Variants in TRIP11 observed in about 807,000 individuals in gnomAD.
The protein encoded by TRIP11 is thyroid receptor-interacting protein 11.
TRIP11 carries 148 observed loss-of-function variants against 223.1 expected under a neutral mutation model. The ratio of observed to expected loss-of-function variants is 0.66; its 90% CI spans 0.58 to 0.76. The LOEUF is 0.76. Among genes scored for constraint, TRIP11 ranks in the 30% least tolerant of loss-of-function variants. The probability of loss-of-function intolerance (pLI) is 0.00; values close to 1 mark genes in which losing one functional copy is unlikely to be tolerated. For missense variants in TRIP11, 2,043 were observed against 2,222.0 expected, an observed-to-expected ratio of 0.92 and a Z score of 1.62; for synonymous variants, 762 against 772.6, an observed-to-expected ratio of 0.99 and a Z score of 0.23.
chr14:91,969,961 T>TGTAA lies in TRIP11; in HGVS notation c.5720-72_5720-69dup, dbSNP rs141458799. The TGTAA allele has an allele frequency of 2.8e-3, 3,959 of 1,402,868 alleles. 72 individuals carry two copies. The African/African-American group carries it at 0.049, about 17-fold the overall frequency. 86.9% of individuals were successfully genotyped at this position (1,402,868 alleles called of 1,614,324 possible). A position where few individuals can be genotyped will look rare whatever the true frequency, so the allele number is the denominator to read the frequency against. On this transcript the variant is annotated intron_variant, in intron 20 of 20. Transcript: ENST00000267622. ...GAAGTCAAAATGAAATAACTCTGAA[T>TGTAA]GTAATAGCATAAAGTTATCTGTGTA...
chr14:91,998,771 G>C (rs534854558), intron 13 of TRIP11, among the ~76,000 whole-genome samples: 1 of 151,784 alleles, frequency 6.6e-6, no homozygotes, highest in African/African-American at 2.4e-5. Context: ...GGTCACTCAA[G>C]AGTGCTAATA....
intron 13 of TRIP11, among the ~76,000 whole-genome samples, chr14:91,997,918 A>G (rs550342651): frequency 2.0e-5 from 3 of 152,342 alleles, no homozygotes; most frequent in South Asian, 4.1e-4. Flanking sequence ...GGGCTTGAAA[A>G]GTGCAAAAAA....
chr14:92,000,859 T>C (rs1428559286), intron 11 of TRIP11, among the ~76,000 whole-genome samples: 1 of 149,172 alleles, frequency 6.7e-6, no homozygotes, highest in Non-Finnish European at 1.5e-5. Context: ...ACTTTCTTTT[T>C]TTTTCTTTTT....
At chr14:91,988,810 G>A (rs1169750037) in intron 15 of TRIP11, among the ~76,000 whole-genome samples, 1 of 152,078 alleles carries the variant, frequency 6.6e-6, no homozygotes, top group Non-Finnish European at 1.5e-5. Context: ...GTGAATTTGA[G>A]CATTACTTTT....
chr14:92,013,257 A>G (rs1399840736), intron 7 of TRIP11, among the ~76,000 whole-genome samples: 3 of 152,018 alleles, frequency 2.0e-5, no homozygotes, highest in African/African-American at 7.3e-5. Context: ...ACAGAGCGAG[A>G]CTCTGTCTCA....
chr14:92,031,935 T>G (rs911619068), intron 2 of TRIP11, among the ~76,000 whole-genome samples: 3 of 152,104 alleles, frequency 2.0e-5, no homozygotes, highest in African/African-American at 7.2e-5. Flanking sequence ...TCCTCCCACC[T>G]CAGCCTCACA....
At chr14:92,013,698 A>C (rs1332552755) in intron 7 of TRIP11, among the ~76,000 whole-genome samples, 2 of 151,898 alleles carry the variant, frequency 1.3e-5, no homozygotes, top group African/African-American at 2.4e-5. Flanking sequence ...TATGTAAGTA[A>C]ATTTATTTTT....
chr14:92,033,378 G>A, intron 1 of TRIP11, 125 bp from the exon 2 acceptor site: 1 of 737,396 alleles, frequency 1.4e-6, no homozygotes, highest in Non-Finnish European at 2.3e-6. Context: ...AAAGCATTCA[G>A]AAGAAACAAA....
At chr14:92,029,280 A>ATTATTT (rs2057230210) in intron 2 of TRIP11, among the ~76,000 whole-genome samples, 4 of 76,798 alleles carry the variant, frequency 5.2e-5, no homozygotes, top group African/African-American at 2.3e-4. Flanking sequence ...CCAAAGTATT[A>ATTATTT]TTTTTTTTTT....
intron 16 of TRIP11, among the ~76,000 whole-genome samples, chr14:91,979,884 T>C (rs531508167): frequency 5.9e-4 from 89 of 152,064 alleles, no homozygotes; most frequent in African/African-American, 2.1e-3. Context: ...TGTATTTATA[T>C]GGGCAGGGAA....
intron 4 of TRIP11, among the ~76,000 whole-genome samples, chr14:92,018,066 A>C (rs2057058447): frequency 6.6e-6 from 1 of 151,790 alleles, no homozygotes; most frequent in East Asian, 1.9e-4. Flanking sequence ...ATAATTGAGC[A>C]GCTTTCTAAA....
chr14:92,025,273 A>C lies in TRIP11; in HGVS notation c.312+37T>G, dbSNP rs2057166955. ...CTAAAAACATACCTAAATACATTAC[A>C]GTGAAGTACATATGAAGTAACTGTG... On this transcript the variant is annotated intron_variant, in intron 3 of 20. Coordinates refer to ENST00000267622, the MANE Select transcript of TRIP11 (RefSeq NM_004239.4). The C allele has an allele frequency of 4.9e-6, 7 of 1,423,402 alleles. 1 individual carries two copies. The East Asian group carries it at 1.6e-4, about 32-fold the overall frequency. The allele number at this position is 1,423,402 out of a possible 1,614,324, so 88.2% of individuals were successfully genotyped here.
intron 14 of TRIP11, among the ~76,000 whole-genome samples, chr14:91,994,615 T>C (rs1408644603): frequency 6.6e-6 from 1 of 152,236 alleles, no homozygotes; most frequent in South Asian, 2.1e-4. Flanking sequence ...AAGTTTTGCT[T>C]AGGCATAAAA....
chr14:92,026,701 A>C, intron 2 of TRIP11: 2 of 1,019,350 alleles, frequency 2.0e-6, no homozygotes, highest in Non-Finnish European at 3.1e-6. Flanking sequence ...AGAGGCTGAC[A>C]ATGAAGTAGA....
At chr14:91,981,012 A>ATATAT (rs1301331303) in intron 16 of TRIP11, among the ~76,000 whole-genome samples, 1 of 49,944 alleles carries the variant, frequency 2.0e-5, no homozygotes. Flanking sequence ...ATATATATAT[A>ATATAT]TTTTTTTTTT....
At chr14:92,015,504 C>A (rs1273524862) in intron 6 of TRIP11, among the ~76,000 whole-genome samples, 192 bp downstream of exon 6, 1 of 151,578 alleles carries the variant, frequency 6.6e-6, no homozygotes, top group Admixed American at 6.6e-5. Flanking sequence ...ACTAAAAATA[C>A]AAAAATTAGC....
At position 92,014,533 on chromosome 14, in the gene TRIP11, T is replaced by G; in HGVS notation, c.868A>C (p.Met290Leu). The G allele has an allele frequency of 6.3e-7, 1 of 1,599,146 alleles. No individual in the cohort carries two copies. The highest frequency in any genetic ancestry group is 8.5e-7 in the Non-Finnish European group (1 of 1,176,696). The change falls in exon 7 of 21, where the codon ATG becomes CTG. Residue 290 changes from methionine to leucine, a missense_variant. Met to Leu is a conservative substitution (Grantham distance 15, BLOSUM62 2). Transcript: ENST00000267622. Reference sequence around the variant, plus strand: ...TGTAGAACTTGAATAGTTTTTTGCATCTCATAGATTTTAGAGAGATCAGTT... The same window carrying G: ...TGTAGAACTTGAATAGTTTTTTGCAGCTCATAGATTTTAGAGAGATCAGTT... The part of the protein sequence containing the change: ...IETDLSKIYE[M>L]QKTIQVLQIE...
At chr14:92,026,745 G>A in intron 2 of TRIP11, 1 of 1,077,200 alleles carries the variant, frequency 9.3e-7, no homozygotes, top group Non-Finnish European at 1.4e-6. Context: ...AGGAAGAGGA[G>A]GAGGAAGAAG....
intron 2 of TRIP11, among the ~76,000 whole-genome samples, chr14:92,028,848 G>A (rs1407703998): frequency 6.6e-6 from 1 of 152,072 alleles, no homozygotes; most frequent in Non-Finnish European, 1.5e-5. Context: ...AAAATATTCC[G>A]TCCTGCTTAA....
Sources: gnomAD v4.1 joint callset for allele counts (sites outside exome capture counted in the v4.1 genomes callset) on GRCh38, gnomAD v4.1.1 for gene constraint, MANE v1.5 for transcripts, NCBI Gene and HGNC (gene_info 2026-07-23, HGNC 2026-07-21) for gene names.